The following IL1RAPL2 variants were observed in gnomAD, a reference collection of about 807,000 sequenced individuals.
The protein encoded by IL1RAPL2 is X-linked interleukin-1 receptor accessory protein-like 2.
In IL1RAPL2, 3 loss-of-function variants were observed where a neutral mutation model predicts 44.1. That is an observed-to-expected ratio of 0.07 (90% confidence interval 0.03 to 0.18). The LOEUF is 0.18. Among genes scored for constraint, IL1RAPL2 ranks in the 10% least tolerant of loss-of-function variants. IL1RAPL2 has a pLI of 1.00. For synonymous variants in IL1RAPL2, 181 were observed against 178.8 expected (o/e 1.01, Z -0.10); for missense variants, 391 against 496.4 (o/e 0.79, Z 2.02).
intron 2 of IL1RAPL2, among the ~76,000 whole-genome samples, chrX:104,673,135 A>T (rs371893319): frequency 9.0e-6 from 1 of 111,253 alleles, no homozygotes; most frequent in Non-Finnish European, 1.9e-5. Flanking sequence ...GCTTTTGTTG[A>T]CATTGCTTTT....
chrX:104,587,862 A>G (rs1344948101), intron 1 of IL1RAPL2, among the ~76,000 whole-genome samples: 1 of 112,097 alleles, frequency 8.9e-6, no homozygotes, highest in Non-Finnish European at 1.9e-5. Flanking sequence ...ATCGATAGCC[A>G]GCCAGCAGCC....
chrX:105,289,173 A>G (rs1034524037), intron 5 of IL1RAPL2, among the ~76,000 whole-genome samples: 4 of 111,286 alleles, frequency 3.6e-5, no homozygotes, highest in Non-Finnish European at 5.7e-5. Flanking sequence ...ACTTTAAGGA[A>G]CAACCAGGAG....
At chrX:104,779,621 T>C (rs1932759689) in intron 2 of IL1RAPL2, among the ~76,000 whole-genome samples, 1 of 111,731 alleles carries the variant, frequency 9.0e-6, no homozygotes, top group Admixed American at 9.5e-5. Context: ...CTTAATACTC[T>C]CAACCCAATG....
At chrX:105,000,932 C>G (rs920339538) in intron 2 of IL1RAPL2, among the ~76,000 whole-genome samples, 5 of 111,145 alleles carry the variant, frequency 4.5e-5, no homozygotes. Context: ...CATTTTAACC[C>G]CTAGCATTGT....
At chrX:105,624,599 C>A (rs1241886401) in intron 6 of IL1RAPL2, among the ~76,000 whole-genome samples, 1 of 111,096 alleles carries the variant, frequency 9.0e-6, no homozygotes, top group Non-Finnish European at 1.9e-5. Context: ...GTGTGATTTG[C>A]ACAAGTAGCA....
intron 2 of IL1RAPL2, among the ~76,000 whole-genome samples, chrX:105,081,098 C>T (rs964099776): frequency 1.3e-4 from 14 of 111,508 alleles, no homozygotes; most frequent in African/African-American, 4.2e-4. Flanking sequence ...AGTTGCTTAT[C>T]AGCTTCAGGA....
chrX:104,574,152 A>G (rs1227706846), intron 1 of IL1RAPL2, among the ~76,000 whole-genome samples: 2 of 111,552 alleles, frequency 1.8e-5, no homozygotes, highest in Non-Finnish European at 3.8e-5. Flanking sequence ...GATACATTTA[A>G]CCTTCAAAAA....
intron 5 of IL1RAPL2, among the ~76,000 whole-genome samples, chrX:105,419,603 C>A (rs1207708504): frequency 8.9e-6 from 1 of 111,960 alleles, no homozygotes; most frequent in Admixed American, 9.5e-5. Flanking sequence ...GAGAAGGCAA[C>A]AGATGTAAAG....
chrX:105,020,743 G>C (rs560148513), intron 2 of IL1RAPL2, among the ~76,000 whole-genome samples: 12 of 111,328 alleles, frequency 1.1e-4, no homozygotes, highest in Middle Eastern at 4.7e-3. Context: ...TCAGGTGACA[G>C]AGATGCCCCA....
chrX:104,615,678 C>G (rs775986214), intron 1 of IL1RAPL2, among the ~76,000 whole-genome samples: 1 of 111,758 alleles, frequency 8.9e-6, no homozygotes, highest in African/African-American at 3.3e-5. Context: ...AATAGTGCTG[C>G]AATGAACAAT....
chrX:105,463,136 G>A (rs1167701586), intron 5 of IL1RAPL2, among the ~76,000 whole-genome samples: 1 of 111,229 alleles, frequency 9.0e-6, no homozygotes, highest in Non-Finnish European at 1.9e-5. Flanking sequence ...TTTTTCTTTA[G>A]AAACATTGTT....
chrX:105,521,772 A>G (rs1356517601), intron 6 of IL1RAPL2, among the ~76,000 whole-genome samples: 3 of 111,589 alleles, frequency 2.7e-5, no homozygotes, highest in African/African-American at 9.8e-5. Flanking sequence ...TCCTTTATAA[A>G]TTACCTAGTC....
At chrX:105,155,614 C>A (rs971975712) in intron 2 of IL1RAPL2, among the ~76,000 whole-genome samples, 1 of 111,009 alleles carries the variant, frequency 9.0e-6, no homozygotes, top group African/African-American at 3.3e-5. Flanking sequence ...ATGAATCTGG[C>A]AGCTGTGTGT....
Position 105,655,651 on chromosome X carries a change from C to T in IL1RAPL2, c.773-61716C>T, listed in dbSNP as rs775675062. ...GATCTTTGAAAAAGCATGAATCAGACAGTAGAATGGGTCACAATTATATCA... is the reference window on the plus strand; with the variant it reads ...GATCTTTGAAAAAGCATGAATCAGATAGTAGAATGGGTCACAATTATATCA... On this transcript the variant is annotated intron_variant, in intron 6 of 10. Coordinates refer to ENST00000372582, the MANE Select transcript of IL1RAPL2 (RefSeq NM_017416.2). Among the ~76,000 whole-genome samples the T allele has an allele frequency of 3.6e-5, 4 of 112,220 alleles. No homozygotes were observed. The South Asian group carries it at 1.5e-3, about 41-fold the overall frequency.
At chrX:104,663,149 A>G (rs73523338) in intron 2 of IL1RAPL2, among the ~76,000 whole-genome samples, 6,105 of 111,285 alleles carry the variant, frequency 0.055, 448 homozygotes, top group African/African-American at 0.19. Context: ...TAAAATTATG[A>G]TATTTTCTGA....
At chrX:105,180,056 G>T (rs1367504149) in intron 2 of IL1RAPL2, among the ~76,000 whole-genome samples, 9 of 110,444 alleles carry the variant, frequency 8.1e-5, no homozygotes, top group Non-Finnish European at 1.7e-4. Context: ...GGGCATCCTA[G>T]CTGGGCACAG....
intron 1 of IL1RAPL2, among the ~76,000 whole-genome samples, chrX:104,604,633 CAAAAAAA>C (rs36050333): frequency 3.2e-5 from 1 of 31,096 alleles, no homozygotes; most frequent in African/African-American, 1.1e-4. Context: ...AAATGCATAG[CAAAAAAA>C]AAAAAAAAAA....
At chrX:104,730,785 G>C (rs1931898459) in intron 2 of IL1RAPL2, among the ~76,000 whole-genome samples, 1 of 109,922 alleles carries the variant, frequency 9.1e-6, no homozygotes, top group Admixed American at 9.7e-5. Flanking sequence ...CTAGATCCCT[G>C]AGGAATCGCC....
chrX:105,661,771 A>G, intron 6 of IL1RAPL2, among the ~76,000 whole-genome samples: 1 of 112,648 alleles, frequency 8.9e-6, no homozygotes, highest in East Asian at 2.8e-4. Flanking sequence ...GCCATTCTGC[A>G]TTCTTTTTCT....
Sources: allele counts gnomAD v4.1 joint callset (sites outside exome capture counted in the v4.1 genomes callset), GRCh38; gene constraint gnomAD v4.1.1; transcripts MANE v1.5; gene names NCBI Gene and HGNC (gene_info 2026-07-23, HGNC 2026-07-21).